The following DZIP3 variants were observed in gnomAD, a reference collection of about 807,000 sequenced individuals.
The protein encoded by DZIP3 is DAZ interacting zinc finger protein 3.
DZIP3 carries 118 observed loss-of-function variants against 162.0 expected under a neutral mutation model. The ratio of observed to expected loss-of-function variants is 0.73; its 90% CI spans 0.63 to 0.85. The LOEUF is 0.85. DZIP3 is among the 40% of genes least tolerant of loss of function. The pLI is 0.00. For missense variants in DZIP3, 1,331 were observed against 1,407.0 expected (o/e 0.95, Z 0.86); for synonymous variants, 438 against 458.6 (o/e 0.96, Z 0.57).
At chr3:108,670,265 C>T (rs1943878452) in intron 22 of DZIP3, among the ~76,000 whole-genome samples, 1 of 151,792 alleles carries the variant, frequency 6.6e-6, no homozygotes, top group African/African-American at 2.4e-5. Flanking sequence ...TTTATCACTC[C>T]AAAAAAGAAA....
At position 108,644,259 on chromosome 3, in the gene DZIP3, G is replaced by A. The variant is rs373941411; in HGVS notation, c.1237G>A (p.Asp413Asn). The A allele has an allele frequency of 1.2e-6, 2 of 1,613,790 alleles. No individual in the cohort carries two copies. Among genetic ancestry groups the A allele is most frequent in the Non-Finnish European group, 1.7e-6 (2 of 1,179,906 alleles). ...TACTGACATTGTTCGACAAATATTT[G>A]ATGAGGCTATGCCACCTCCTCTTTT... ...SGTDIVRQIF[D>N]EAMPPPLLKK... Residue 413 changes from aspartate to asparagine, a missense_variant, in exon 14 of 33, where the codon GAT (aspartate) becomes AAT (asparagine). By Grantham distance (23) the Asp-to-Asn change is conservative. Around this residue, in one of 2 missense-constraint regions of DZIP3, gnomAD observed 1,278 missense variants for 1,317.1 expected, o/e 0.97. Transcript: ENST00000361582.
intron 28 of DZIP3, 21 bp downstream of exon 28, chr3:108,686,605 T>C: frequency 6.3e-7 from 1 of 1,581,600 alleles, no homozygotes. Context: ...TTTTATTTAT[T>C]GGTGGGTACA....
chr3:108,616,724 C>A, intron 5 of DZIP3, 67 bp downstream of exon 5: 1 of 1,082,010 alleles, frequency 9.2e-7, no homozygotes, highest in Non-Finnish European at 1.4e-6. Flanking sequence ...GAGAAAACAG[C>A]CAATGCATGC....
intron 4 of DZIP3, among the ~76,000 whole-genome samples, chr3:108,615,234 T>C (rs1940940948): frequency 6.6e-6 from 1 of 152,244 alleles, no homozygotes; most frequent in Non-Finnish European, 1.5e-5. Flanking sequence ...TGCTTTCAGA[T>C]AATTAGTTTT....
intron 26 of DZIP3, among the ~76,000 whole-genome samples, chr3:108,681,648 C>CTA (rs1559783165): frequency 2.0e-5 from 3 of 151,966 alleles, no homozygotes; most frequent in Admixed American, 6.6e-5. Flanking sequence ...TATTGCAGCC[C>CTA]TGTTCACAGT....
At chr3:108,689,102 T>C (rs148511885) in intron 31 of DZIP3, among the ~76,000 whole-genome samples, 178 bp downstream of exon 31, 4 of 152,292 alleles carry the variant, frequency 2.6e-5, no homozygotes, top group African/African-American at 9.6e-5. Context: ...ATGGATTGCA[T>C]TGTGCTCTCT....
chr3:108,687,849 TAA>T (rs1288064416), intron 28 of DZIP3, 125 bp from the exon 29 acceptor site: 1 of 1,252,554 alleles, frequency 8.0e-7, no homozygotes, highest in Non-Finnish European at 1.1e-6. Flanking sequence ...ATCAAAGACC[TAA>T]AGAGTCCTGT....
At chr3:108,673,918 A>T (rs555764610) in intron 23 of DZIP3, among the ~76,000 whole-genome samples, 160 bp from the exon 24 acceptor site, 27 of 152,094 alleles carry the variant, frequency 1.8e-4, no homozygotes, top group Non-Finnish European at 3.4e-4. Flanking sequence ...GGTGGCATTG[A>T]TTTAAAAGCT....
At chr3:108,661,625 T>TA (rs1943439213) in intron 19 of DZIP3, among the ~76,000 whole-genome samples, 1 of 151,562 alleles carries the variant, frequency 6.6e-6, no homozygotes, top group African/African-American at 2.4e-5. Flanking sequence ...CCCTAAAACT[T>TA]AAAGTATAAT....
chr3:108,644,851 G>A lies in DZIP3; in HGVS notation c.1759+70G>A, dbSNP rs1942556284. 10 of 1,438,916 alleles carry A rather than the reference G, an allele frequency of 6.9e-6. No individual in the cohort carries two copies. In the Middle Eastern group the frequency reaches 5.4e-4, roughly 78 times the overall value. The allele number at this position is 1,438,916 out of a possible 1,614,324, so 89.1% of individuals were successfully genotyped here. A position where few individuals can be genotyped will look rare whatever the true frequency, so the allele number is the denominator to read the frequency against. ...GAATGTCTGCTCTGTGCCAGGCACA[G>A]TGCAAAGGGCAAGAGATTCAGTGAG... On this transcript the variant is annotated intron_variant, in intron 14 of 32. Transcript: ENST00000361582.
chr3:108,636,311 ATCC>A (rs1239878605), intron 10 of DZIP3, among the ~76,000 whole-genome samples: 3 of 151,880 alleles, frequency 2.0e-5, no homozygotes, highest in African/African-American at 7.2e-5. Flanking sequence ...AAATTCAGTA[ATCC>A]TCTTTACCCA....
intron 14 of DZIP3, 35 bp from the exon 15 acceptor site, chr3:108,646,582 A>G (rs1318703619): frequency 1.3e-6 from 2 of 1,494,202 alleles, no homozygotes; most frequent in South Asian, 2.3e-5. Context: ...TGCGTTTGCA[A>G]TTGTACATCT....
chr3:108,681,180 T>C (rs1462062601), intron 26 of DZIP3, among the ~76,000 whole-genome samples: 1 of 152,034 alleles, frequency 6.6e-6, no homozygotes, highest in Non-Finnish European at 1.5e-5. Context: ...TGCAATCTTA[T>C]CCGTCTGACA....
At chr3:108,610,205 G>A (rs145483960) in intron 3 of DZIP3, among the ~76,000 whole-genome samples, 52 of 152,242 alleles carry the variant, frequency 3.4e-4, no homozygotes, top group African/African-American at 1.2e-3. Flanking sequence ...GAATATAGAT[G>A]GGGATGGAGG....
rs368665758 is a variant in DZIP3 at position 108,686,487 on chromosome 3, G to T, written c.3052G>T (p.Ala1018Ser). Residue 1018 changes from alanine (A) to serine (S), a missense_variant, in exon 28 of 33, where the codon GCT (alanine) becomes TCT (serine). Physicochemically the swap from Ala to Ser is moderately conservative, Grantham distance 99 (BLOSUM62 1). Transcript: ENST00000361582. ...GGCTCTGCCAGCGCCTGTGGGAGAC[G>T]CTGTGCCTCCCAGTGCAGGTCTGCG... ...AWALPAPVGD[A>S]VPPSAGLRSD... The T allele has an allele frequency of 2.3e-5, 37 of 1,611,200 alleles. No homozygotes were observed. The African/African-American group carries it at 4.4e-4, about 19-fold the overall frequency.
At chr3:108,600,119 G>T (rs1468934938) in intron 1 of DZIP3, among the ~76,000 whole-genome samples, 1 of 152,156 alleles carries the variant, frequency 6.6e-6, no homozygotes, top group Admixed American at 6.5e-5. Context: ...AGTGACCATA[G>T]CATCTTGATG....
Position 108,634,944 on chromosome 3 carries a change from A to C in DZIP3, c.890A>C (p.Asn297Thr). 4 of 1,608,322 alleles carry C rather than the reference A, an allele frequency of 2.5e-6. No homozygotes were observed. Among genetic ancestry groups the C allele is most frequent in the Non-Finnish European group, 3.4e-6 (4 of 1,176,000 alleles). ...AAAATTTGCTGGAAAAAGTTCAAGA[A>C]TTTAAAGTATCCAGGTGAAAATGAT... ...FHKICWKKFKNLKYPGENDQS... is the reference protein window; with the variant it reads ...FHKICWKKFKTLKYPGENDQS... Residue 297 changes from asparagine to threonine, a missense_variant, in exon 10 of 33, where the codon AAT (asparagine) becomes ACT (threonine). By Grantham distance (65) the Asn-to-Thr change is moderately conservative (BLOSUM62 0). This residue lies in a region of DZIP3 where 1,278 missense variants were observed against 1,317.1 expected (regional missense o/e 0.97). Coordinates refer to ENST00000361582, the MANE Select transcript of DZIP3 (RefSeq NM_014648.4).
At chr3:108,647,053 C>G (rs866746877) in intron 15 of DZIP3, among the ~76,000 whole-genome samples, 1 of 152,014 alleles carries the variant, frequency 6.6e-6, no homozygotes, top group Admixed American at 6.6e-5. Context: ...AAAAAAAGAA[C>G]TTGGAAAATG....
At chr3:108,647,842 C>A in intron 15 of DZIP3, 101 bp from the exon 16 acceptor site, 1 of 908,892 alleles carries the variant, frequency 1.1e-6, no homozygotes, top group Non-Finnish European at 1.6e-6. Context: ...TATTTTATTT[C>A]TGTTTTGTGA....
Sources: gnomAD v4.1 joint callset for allele counts (sites outside exome capture counted in the v4.1 genomes callset) on GRCh38, gnomAD v4.1.1 for gene constraint, gnomAD v4.1.1 regional missense constraint, MANE v1.5 for transcripts, NCBI Gene and HGNC (gene_info 2026-07-23, HGNC 2026-07-21) for gene names.